Variants in RBFOX2 observed in about 807,000 individuals in gnomAD.
RBFOX2 encodes the protein RNA binding fox-1 homolog 2, also known as RNA binding protein fox-1 homolog 2.
Under a neutral mutation model 49.1 loss-of-function variants are expected in RBFOX2, and 10 were observed. The ratio of observed to expected loss-of-function variants is 0.20; its 90% CI spans 0.13 to 0.35. The LOEUF (loss-of-function observed/expected upper bound fraction) is 0.35. RBFOX2 is among the 10% of genes least tolerant of loss of function. The pLI is 1.00. For synonymous variants in RBFOX2, 183 were observed against 187.4 expected (o/e 0.98, Z 0.19); for missense variants, 323 against 486.9 (o/e 0.66, Z 3.17).
intron 1 of RBFOX2, among the ~76,000 whole-genome samples, chr22:35,835,236 C>T (rs2148742609): frequency 6.6e-6 from 1 of 152,078 alleles, no homozygotes; most frequent in South Asian, 2.1e-4. Flanking sequence ...CGGAAGGGAA[C>T]ATGTGGGATA....
chr22:35,964,522 A>G (rs534276813), upstream of RBFOX2, among the ~76,000 whole-genome samples: 1 of 152,342 alleles, frequency 6.6e-6, no homozygotes, highest in African/African-American at 2.4e-5. Context: ...TAATTTCATA[A>G]TATTTGAGAT....
At chr22:35,976,893 G>A (rs2057189001) in intron 1 of RBFOX2, among the ~76,000 whole-genome samples, 1 of 151,856 alleles carries the variant, frequency 6.6e-6, no homozygotes, top group South Asian at 2.1e-4. Context: ...GAACCCAGGA[G>A]GCGGAGGTTG....
chr22:35,953,984 T>C (rs1294261881), intron 1 of RBFOX2, among the ~76,000 whole-genome samples: 2 of 152,202 alleles, frequency 1.3e-5, no homozygotes, highest in Admixed American at 6.5e-5. Flanking sequence ...AAACGCTTAA[T>C]AGGTTAGCCC....
intron 1 of RBFOX2, among the ~76,000 whole-genome samples, chr22:35,820,634 G>T (rs558985468): frequency 6.6e-6 from 1 of 152,266 alleles, no homozygotes; most frequent in East Asian, 1.9e-4. Context: ...TTGAAGGCAG[G>T]TAATTGTCCA....
In RBFOX2 at chr22:35,774,325, A is replaced by T. The variant is rs576536093; in HGVS notation, c.453+3700T>A. On this transcript the variant is annotated intron_variant, in intron 4 of 11. Coordinates refer to ENST00000405409, the Ensembl canonical transcript of RBFOX2. ...ATCTGTCATTACTGGTGAAATCTGG[A>T]GAATTAACAAAGCTACATAAACTCA... Among the ~76,000 whole-genome samples, 94 of 152,106 alleles carry T rather than the reference A, an allele frequency of 6.2e-4. 1 individual carries two copies. Among genetic ancestry groups the T allele is most frequent in the Admixed American group, 1.1e-3 (17 of 15,280 alleles).
At chr22:35,951,282 G>A (rs1238215646) in intron 1 of RBFOX2, among the ~76,000 whole-genome samples, 3 of 116,768 alleles carry the variant, frequency 2.6e-5, no homozygotes, top group African/African-American at 3.6e-5. Flanking sequence ...AGTTTTGCTC[G>A]TTGCCCAGGC....
chr22:35,980,275 T>C (rs939997900), intron 1 of RBFOX2, among the ~76,000 whole-genome samples: 1 of 152,120 alleles, frequency 6.6e-6, no homozygotes, highest in African/African-American at 2.4e-5. Context: ...GGGGAATCTA[T>C]ATGAGTATAT....
chr22:35,943,861 C>T (rs931526110), upstream of RBFOX2, among the ~76,000 whole-genome samples: 3 of 152,162 alleles, frequency 2.0e-5, no homozygotes, highest in Non-Finnish European at 2.9e-5. Context: ...GCCGAGATCG[C>T]GCCACTGCAC....
chr22:35,768,052 A>C (rs1257015684), intron 5 of RBFOX2, among the ~76,000 whole-genome samples: 3 of 152,186 alleles, frequency 2.0e-5, no homozygotes, highest in African/African-American at 2.4e-5. Context: ...AAACCCCCAA[A>C]CAACCAATAA....
At chr22:35,992,275 G>C (rs1450748614) in intron 1 of RBFOX2, 1 of 151,988 alleles carries the variant, frequency 6.6e-6, no homozygotes, top group East Asian at 1.9e-4. Flanking sequence ...TGCTTAGAGA[G>C]ACAACAGATA....
chr22:35,978,542 C>CT (rs1407969284), intron 1 of RBFOX2, among the ~76,000 whole-genome samples: 6 of 152,090 alleles, frequency 3.9e-5, no homozygotes, highest in Non-Finnish European at 8.8e-5. Flanking sequence ...GATTCCAAGG[C>CT]TTTGGTAGGA....
intron 1 of RBFOX2, chr22:35,999,763 T>C (rs917217986): frequency 5.9e-5 from 9 of 152,028 alleles, no homozygotes; most frequent in Admixed American, 3.3e-4. Context: ...CACTGTTGCA[T>C]AGGTACTACT....
chr22:35,907,750 A>G (rs1433267027), intron 1 of RBFOX2, among the ~76,000 whole-genome samples: 1 of 152,012 alleles, frequency 6.6e-6, no homozygotes, highest in Non-Finnish European at 1.5e-5. Flanking sequence ...CGGATTCAAG[A>G]GATTCTTGTG....
intron 1 of RBFOX2, among the ~76,000 whole-genome samples, chr22:35,954,515 C>G (rs895956632): frequency 3.3e-5 from 5 of 152,198 alleles, no homozygotes; most frequent in African/African-American, 1.2e-4. Flanking sequence ...CAGCTAAGAG[C>G]TAGCCTCCAT....
chr22:35,850,125 CTCTAT>C (rs564023413), intron 1 of RBFOX2, among the ~76,000 whole-genome samples: 63 of 151,720 alleles, frequency 4.2e-4, no homozygotes, highest in African/African-American at 1.5e-3. Context: ...GGTATTACTA[CTCTAT>C]TCTTTCTTGG....
chr22:35,956,638 T>A (rs2055591834), intron 1 of RBFOX2, among the ~76,000 whole-genome samples: 2 of 152,226 alleles, frequency 1.3e-5, no homozygotes, highest in South Asian at 4.2e-4. Context: ...GGATTACAGG[T>A]GTGAGCCACT....
intron 1 of RBFOX2, among the ~76,000 whole-genome samples, chr22:35,813,169 T>C (rs1416943607): frequency 7.2e-5 from 11 of 152,230 alleles, no homozygotes; most frequent in Non-Finnish European, 1.5e-5. Context: ...GGGAATGAAA[T>C]TGGGATAGGA....
chr22:35,846,213 A>G (rs1353551065), intron 1 of RBFOX2, among the ~76,000 whole-genome samples: 1 of 149,704 alleles, frequency 6.7e-6, no homozygotes, highest in Non-Finnish European at 1.5e-5. Flanking sequence ...AAACTATATA[A>G]GTATAAACTA....
intron 1 of RBFOX2, 145 bp downstream of exon 2, chr22:35,938,702 A>T: frequency 1.4e-6 from 1 of 699,168 alleles, no homozygotes; most frequent in Non-Finnish European, 2.5e-6. Flanking sequence ...CTTAATTTAC[A>T]TCTGTAAAAG....
Sources: allele counts gnomAD v4.1 joint callset (sites outside exome capture counted in the v4.1 genomes callset), GRCh38; gene constraint gnomAD v4.1.1; transcripts MANE v1.5; gene names NCBI Gene and HGNC (gene_info 2026-07-23, HGNC 2026-07-21).